The following PIAS2 variants were observed in gnomAD, a reference collection of about 807,000 sequenced individuals.
PIAS2 encodes protein inhibitor of activated STAT 2, also known as E3 SUMO-protein ligase PIAS2.
A neutral mutation model predicts 69.7 loss-of-function variants in PIAS2; 19 were observed. The observed-to-expected ratio is 0.27, with a 90% CI of 0.19 to 0.40. The LOEUF (loss-of-function observed/expected upper bound fraction) is 0.40, where lower values mean the gene tolerates loss of function less well. Among genes scored for constraint, PIAS2 ranks in the 10% least tolerant of loss-of-function variants. The pLI, the probability that PIAS2 is intolerant of heterozygous loss-of-function variation, is 1.00. For missense variants in PIAS2, 624 were observed against 757.0 expected (o/e 0.82, Z 2.06); for synonymous variants, 261 against 263.2 (o/e 0.99, Z 0.08).
intron 1 of PIAS2, among the ~76,000 whole-genome samples, chr18:46,908,166 G>T (rs1274827986): frequency 6.6e-6 from 1 of 152,012 alleles, no homozygotes; most frequent in Admixed American, 6.6e-5. Context: ...CACAGAGATG[G>T]GGTCTCACCA....
At chr18:46,882,239 G>C (rs952729689) in intron 2 of PIAS2, among the ~76,000 whole-genome samples, 1 of 151,986 alleles carries the variant, frequency 6.6e-6, no homozygotes, top group Non-Finnish European at 1.5e-5. Flanking sequence ...CATATCATTT[G>C]AATACTGTTT....
intron 1 of PIAS2, chr18:46,893,475 A>T (rs992762873): frequency 8.2e-6 from 8 of 979,662 alleles, no homozygotes; most frequent in Non-Finnish European, 7.3e-6. Context: ...CTCATATCTC[A>T]TATTTCCAGT....
At position 46,917,483 on chromosome 18, in the gene PIAS2, G is replaced by A. The variant is rs1014533786; in HGVS notation, c.-138C>T. On this transcript the variant is annotated 5_prime_UTR_variant, in exon 1 of 14. Transcript: ENST00000585916. ...CGCCGCTTAAGACGCCGCGGCCGCCGCCGCTACAGCCGGGCCCGTCACGTG... is the reference window on the plus strand; with the variant it reads ...CGCCGCTTAAGACGCCGCGGCCGCCACCGCTACAGCCGGGCCCGTCACGTG... The A allele has an allele frequency of 4.2e-6, 5 of 1,203,708 alleles. No homozygotes were observed. The highest frequency in any genetic ancestry group is 5.2e-6 in the Non-Finnish European group (5 of 965,896). The allele number at this position is 1,203,708 out of a possible 1,614,324, so 74.6% of individuals were successfully genotyped here.
rs1179441985 is a variant in PIAS2 at position 46,829,802 on chromosome 18, G to C, written c.1268C>G (p.Ser423Cys). Residue 423 changes from serine to cysteine, a missense_variant, in exon 10 of 14, where the codon TCT (serine) becomes TGT (cysteine). Coordinates refer to ENST00000585916, the MANE Select transcript of PIAS2 (RefSeq NM_004671.5). Reference protein sequence around the residue: ...VDEIKFQEDGSWCPMRPKKEA... With the variant: ...VDEIKFQEDGCWCPMRPKKEA... ...TTTCTTCGGTCTCATTGGACACCAAGAACCATCTTCTTGGAATTTGATCTC... is the reference window on the plus strand; with the variant it reads ...TTTCTTCGGTCTCATTGGACACCAACAACCATCTTCTTGGAATTTGATCTC... 6.2e-7 allele frequency: 1 copy of C among 1,613,308 alleles called. No individual in the cohort carries two copies. The highest frequency in any genetic ancestry group is 1.1e-5 in the South Asian group (1 of 91,038).
chr18:46,829,591 A>C, intron 10 of PIAS2, 143 bp downstream of exon 10: 1 of 694,052 alleles, frequency 1.4e-6, no homozygotes, highest in Non-Finnish European at 2.4e-6. Context: ...GGAAAGAATA[A>C]AAATCATTTG....
At chr18:46,915,968 T>C (rs1035649729) in intron 1 of PIAS2, among the ~76,000 whole-genome samples, 2 of 152,164 alleles carry the variant, frequency 1.3e-5, no homozygotes, top group African/African-American at 4.8e-5. Flanking sequence ...GCTCCACAGG[T>C]GTTAAAAGCT....
chr18:46,829,751 G>T lies in PIAS2; in HGVS notation c.1319C>A (p.Pro440Gln), dbSNP rs373288546. The part of the protein sequence containing the change: ...KKEAMKVSSQ[P>Q]CTKIESSSVL... ...ACACATACTTTCTATTTTTGTACAC[G>T]GTTGGCTGGATACTTTCATAGCTTC... The change falls in exon 10 of 14, where the codon CCG (proline) becomes CAG (glutamine). Residue 440 changes from proline (P) to glutamine (Q), a missense_variant. Pro to Gln is a moderately conservative substitution (Grantham distance 76). This residue lies in a region of PIAS2 where 241 missense variants were observed against 257.3 expected (regional missense o/e 0.94). Coordinates refer to ENST00000585916, the MANE Select transcript of PIAS2 (RefSeq NM_004671.5). 1 of 1,612,944 alleles carries T rather than the reference G, an allele frequency of 6.2e-7. No individual in the cohort carries two copies. The highest frequency in any genetic ancestry group is 1.1e-5 in the South Asian group (1 of 90,926).
intron 1 of PIAS2, chr18:46,901,013 AC>A (rs1463043904): frequency 4.9e-6 from 2 of 406,824 alleles, no homozygotes; most frequent in African/African-American, 4.3e-5. Flanking sequence ...AGAACTAACA[AC>A]AATTCAATAT....
chr18:46,859,156 C>T (rs549348262), intron 3 of PIAS2, among the ~76,000 whole-genome samples: 2 of 152,198 alleles, frequency 1.3e-5, no homozygotes, highest in African/African-American at 2.4e-5. Flanking sequence ...GGGCCAGACG[C>T]GGTAGCTCAC....
chr18:46,910,769 G>T (rs72915093), intron 1 of PIAS2, among the ~76,000 whole-genome samples: 1 of 152,110 alleles, frequency 6.6e-6, no homozygotes, highest in African/African-American at 2.4e-5. Flanking sequence ...ATGGACCTCT[G>T]ATTAGCACAC....
chr18:46,877,509 C>T (rs936277107), intron 2 of PIAS2, among the ~76,000 whole-genome samples: 2 of 152,150 alleles, frequency 1.3e-5, no homozygotes, highest in Admixed American at 1.3e-4. Flanking sequence ...CCCCTCCCGC[C>T]GAAACAGCTC....
At chr18:46,836,238 C>T in intron 9 of PIAS2, 119 bp downstream of exon 9, 1 of 763,560 alleles carries the variant, frequency 1.3e-6, no homozygotes. Flanking sequence ...ATACAAACAT[C>T]TGGATTTATG....
chr18:46,896,165 CA>C (rs1199712335), intron 1 of PIAS2, among the ~76,000 whole-genome samples: 988 of 31,930 alleles, frequency 0.031, 11 homozygotes, highest in African/African-American at 0.074. Flanking sequence ...AAGAAAAAAG[CA>C]AAAAAAAAAA....
At chr18:46,885,504 G>A (rs544297839) in intron 2 of PIAS2, among the ~76,000 whole-genome samples, 8 of 150,458 alleles carry the variant, frequency 5.3e-5, no homozygotes, top group African/African-American at 2.0e-4. Flanking sequence ...CCTGGTGACA[G>A]TGCAAGACTC....
chr18:46,851,156 CACA>C, intron 5 of PIAS2, among the ~76,000 whole-genome samples: 1 of 152,244 alleles, frequency 6.6e-6, no homozygotes, highest in Middle Eastern at 3.4e-3. Flanking sequence ...GTAACTAACA[CACA>C]ACATCAGGGA....
Position 46,828,123 on chromosome 18 carries a change from G to A in PIAS2, c.1344C>T (p.Ser448=), listed in dbSNP as rs146365816. 7.5e-5 allele frequency: 119 copies of A among 1,590,410 alleles called. No homozygotes were observed. The highest frequency in any genetic ancestry group is 9.0e-5 in the Non-Finnish European group (105 of 1,171,562). ...SQPCTKIESS[S]VLSKPCSVTV... ...TCACTGAACAAGGCTTACTGAGGAC[G>A]CTTGAACCTGCATGTAAAGAAACAA... Residue 448 remains serine, a synonymous_variant, in exon 11 of 14, where the codon AGC becomes AGT. Transcript: ENST00000585916.
At chr18:46,905,398 T>C (rs1287266976) in intron 1 of PIAS2, among the ~76,000 whole-genome samples, 1 of 151,800 alleles carries the variant, frequency 6.6e-6, no homozygotes, top group Non-Finnish European at 1.5e-5. Flanking sequence ...TATGTTAAAA[T>C]GCTGAAAATT....
intron 2 of PIAS2, among the ~76,000 whole-genome samples, chr18:46,873,362 A>G (rs2145745796): frequency 6.6e-6 from 1 of 152,284 alleles, no homozygotes; most frequent in African/African-American, 2.4e-5. Context: ...ATTATCACAC[A>G]AAGGTCAAGG....
intron 1 of PIAS2, among the ~76,000 whole-genome samples, chr18:46,915,791 CAAAA>C (rs879676692): frequency 2.3e-5 from 2 of 86,552 alleles, no homozygotes; most frequent in Non-Finnish European, 5.1e-5. Flanking sequence ...TTTTCATTAA[CAAAA>C]AAAAAAAAAA....
Sources: gnomAD v4.1 joint callset for allele counts (sites outside exome capture counted in the v4.1 genomes callset) on GRCh38, gnomAD v4.1.1 for gene constraint, gnomAD v4.1.1 regional missense constraint, MANE v1.5 for transcripts, NCBI Gene and HGNC (gene_info 2026-07-23, HGNC 2026-07-21) for gene names.